Variants in CSTPP1 observed in about 807,000 individuals in gnomAD.
CSTPP1 encodes the protein centriolar satellite-associated tubulin polyglutamylase complex regulator 1.
chr11:47,038,014 C>T, the CSTPP1 span, among the ~76,000 whole-genome samples: 3 of 120,228 alleles, frequency 2.5e-5, no homozygotes, highest in African/African-American at 2.6e-5. Context: ...GGCGGCTGGC[C>T]GGGCAGAGGG....
the CSTPP1 span, among the ~76,000 whole-genome samples, chr11:46,964,612 T>A: frequency 6.6e-6 from 1 of 152,202 alleles, no homozygotes; most frequent in Non-Finnish European, 1.5e-5. Context: ...TCTCTGGGCC[T>A]TAATACGGAC....
the CSTPP1 span, among the ~76,000 whole-genome samples, chr11:47,070,911 G>A: frequency 6.6e-6 from 1 of 152,026 alleles, no homozygotes. Flanking sequence ...ACTATACTCT[G>A]GCCACACAGA....
the CSTPP1 span, chr11:47,157,892 T>C: frequency 6.2e-7 from 1 of 1,614,036 alleles, no homozygotes; most frequent in East Asian, 2.2e-5. Flanking sequence ...CATGGCTCTC[T>C]CAAAGCACCG....
chr11:47,157,624 G>A, the CSTPP1 span, among the ~76,000 whole-genome samples: 16 of 139,152 alleles, frequency 1.1e-4, no homozygotes, highest in East Asian at 7.3e-4. Context: ...TCCCCACCCC[G>A]GTGAAAGCAC....
At chr11:47,107,017 A>G in the CSTPP1 span, among the ~76,000 whole-genome samples, 1 of 152,194 alleles carries the variant, frequency 6.6e-6, no homozygotes. Flanking sequence ...GAGCATCCTT[A>G]GATGAAACCA....
the CSTPP1 span, among the ~76,000 whole-genome samples, chr11:46,973,558 A>C: frequency 6.6e-6 from 1 of 152,170 alleles, no homozygotes; most frequent in South Asian, 2.1e-4. Context: ...TCTTTACCTC[A>C]TGACCCATGA....
chr11:47,131,280 C>T, the CSTPP1 span, among the ~76,000 whole-genome samples: 21 of 152,214 alleles, frequency 1.4e-4, no homozygotes, highest in Middle Eastern at 3.4e-3. Flanking sequence ...GAGAGGTATC[C>T]GATCTACAGC....
At chr11:46,967,831 C>T in the CSTPP1 span, among the ~76,000 whole-genome samples, 121 of 149,588 alleles carry the variant, frequency 8.1e-4, 1 homozygote, top group East Asian at 0.023. Context: ...TTATTATTAA[C>T]TATATTATTA....
chr11:46,980,983 A>G, the CSTPP1 span, among the ~76,000 whole-genome samples: 1 of 152,190 alleles, frequency 6.6e-6, no homozygotes, highest in African/African-American at 2.4e-5. Flanking sequence ...GGAATAACTA[A>G]TTTGTAAAAG....
chr11:47,138,280 C>G, the CSTPP1 span, among the ~76,000 whole-genome samples: 1 of 152,190 alleles, frequency 6.6e-6, no homozygotes, highest in African/African-American at 2.4e-5. Context: ...GTCTTCAGAA[C>G]TCACTCACTA....
At chr11:47,060,839 T>G in the CSTPP1 span, among the ~76,000 whole-genome samples, 5 of 152,278 alleles carry the variant, frequency 3.3e-5, no homozygotes, top group South Asian at 1.0e-3. Flanking sequence ...TCTTCTCCAT[T>G]TGTGTGGTAT....
At chr11:47,090,284 A>G in the CSTPP1 span, among the ~76,000 whole-genome samples, 13 of 152,106 alleles carry the variant, frequency 8.5e-5, no homozygotes, top group South Asian at 2.5e-3. Flanking sequence ...TGCACCTGGC[A>G]TGTCTTTTTG....
At chr11:47,091,803 G>A in the CSTPP1 span, among the ~76,000 whole-genome samples, 1 of 152,154 alleles carries the variant, frequency 6.6e-6, no homozygotes, top group Non-Finnish European at 1.5e-5. Flanking sequence ...GACATGACAT[G>A]GGGCCACAAG....
chr11:47,100,199 G>A, the CSTPP1 span, among the ~76,000 whole-genome samples: 1 of 152,174 alleles, frequency 6.6e-6, no homozygotes, highest in African/African-American at 2.4e-5. Flanking sequence ...GGCAAGATAT[G>A]AAGATTTTTT....
the CSTPP1 span, among the ~76,000 whole-genome samples, chr11:46,990,593 T>G: frequency 6.6e-6 from 1 of 152,142 alleles, no homozygotes; most frequent in Non-Finnish European, 1.5e-5. Flanking sequence ...AGGTTGTCTA[T>G]TGATAGTTTC....
the CSTPP1 span, among the ~76,000 whole-genome samples, chr11:47,049,361 G>C: frequency 6.6e-6 from 1 of 151,990 alleles, no homozygotes; most frequent in Non-Finnish European, 1.5e-5. Context: ...GATAGGCCAG[G>C]CGCGGTGGCT....
the CSTPP1 span, among the ~76,000 whole-genome samples, chr11:47,062,864 AT>A: frequency 6.6e-6 from 1 of 152,210 alleles, no homozygotes; most frequent in Non-Finnish European, 1.5e-5. Context: ...AGAATGGAAA[AT>A]CCTCCCAGCA....
At chr11:46,984,921 A>G in the CSTPP1 span, among the ~76,000 whole-genome samples, 1 of 152,256 alleles carries the variant, frequency 6.6e-6, no homozygotes, top group East Asian at 1.9e-4. Context: ...TTCCCTCCCA[A>G]TTTAATATAC....
At chr11:47,125,266 T>C in the CSTPP1 span, among the ~76,000 whole-genome samples, 2 of 152,220 alleles carry the variant, frequency 1.3e-5, no homozygotes, top group Non-Finnish European at 1.5e-5. Context: ...TCTGTTTTTT[T>C]AGTTGATAGG....
Sources: gnomAD v4.1 joint callset for allele counts (sites outside exome capture counted in the v4.1 genomes callset) on GRCh38, gnomAD v4.1.1 for gene constraint, MANE v1.5 for transcripts, NCBI Gene and HGNC (gene_info 2026-07-23, HGNC 2026-07-21) for gene names.